Variants in EFL1 observed in about 807,000 individuals in gnomAD.
EFL1 encodes elongation factor like GTPase 1, also known as elongation factor-like GTPase 1.
A neutral mutation model predicts 126.7 loss-of-function variants in EFL1; 76 were observed. The observed-to-expected ratio is 0.60, with a 90% CI of 0.50 to 0.73. The LOEUF (loss-of-function observed/expected upper bound fraction) is 0.73. Ranked by LOEUF, EFL1 falls within the 30% of genes least tolerant of loss-of-function variation. The probability of loss-of-function intolerance (pLI) is 0.00; values close to 1 mark genes in which losing one functional copy is unlikely to be tolerated. For missense variants in EFL1, 1,128 were observed against 1,343.2 expected, an observed-to-expected ratio of 0.84 and a Z score of 2.50; for synonymous variants, 410 against 448.4, an observed-to-expected ratio of 0.91 and a Z score of 1.08.
intron 16 of EFL1, among the ~76,000 whole-genome samples, chr15:82,160,967 A>G (rs1352054650): frequency 6.6e-6 from 1 of 152,258 alleles, no homozygotes; most frequent in African/African-American, 2.4e-5. Context: ...TTCAATTATA[A>G]TGAAGAAAAT....
At chr15:82,191,657 T>C (rs568748392) in intron 15 of EFL1, among the ~76,000 whole-genome samples, 1 of 151,634 alleles carries the variant, frequency 6.6e-6, no homozygotes, top group African/African-American at 2.4e-5. Context: ...TTCAGGCCAG[T>C]CAGCTTTAAT....
chr15:82,248,033 T>G (rs984312425), intron 4 of EFL1, among the ~76,000 whole-genome samples: 3 of 152,124 alleles, frequency 2.0e-5, no homozygotes, highest in African/African-American at 7.3e-5. Context: ...TACCACATGC[T>G]AGAAATTACT....
At chr15:82,144,166 C>T (rs927885715) in intron 18 of EFL1, among the ~76,000 whole-genome samples, 6 of 151,358 alleles carry the variant, frequency 4.0e-5, no homozygotes, top group African/African-American at 1.2e-4. Context: ...GTGGGAGGAG[C>T]GCTTTGAGCC....
chr15:82,241,442 A>G (rs1283890652), intron 4 of EFL1, 39 bp from the exon 5 acceptor site: 1 of 1,594,996 alleles, frequency 6.3e-7, no homozygotes, highest in Non-Finnish European at 8.6e-7. Context: ...TCAGTTGTCC[A>G]GGTACACAAT....
intron 15 of EFL1, among the ~76,000 whole-genome samples, chr15:82,165,082 G>A (rs1273146285): frequency 3.3e-5 from 5 of 152,028 alleles, no homozygotes; most frequent in Non-Finnish European, 5.9e-5. Flanking sequence ...AGACCAGCCT[G>A]GGTAACAGAG....
Position 82,163,913 on chromosome 15 carries a change from T to C in EFL1, c.1822A>G (p.Ile608Val), listed in dbSNP as rs1016384109. The change falls in exon 16 of 20, where the codon ATA becomes GTA. Residue 608 changes from isoleucine to valine, a missense_variant. Physicochemically the swap from Ile to Val is conservative, Grantham distance 29 (BLOSUM62 3). Coordinates refer to ENST00000268206, the MANE Select transcript of EFL1 (RefSeq NM_024580.6). ...LCSLPSCPPF[I>V]PLNFEATPIV... ...GGAGTGGCTTCGAAGTTGAGTGGTATAAATGGTGGGCAGGATGGCAGGCTA... is the reference window on the plus strand; with the variant it reads ...GGAGTGGCTTCGAAGTTGAGTGGTACAAATGGTGGGCAGGATGGCAGGCTA... 2 of 1,614,160 alleles carry C rather than the reference T, an allele frequency of 1.2e-6. No individual in the cohort carries two copies. The highest frequency in any genetic ancestry group is 1.7e-6 in the Non-Finnish European group (2 of 1,180,010).
intron 15 of EFL1, among the ~76,000 whole-genome samples, chr15:82,168,267 A>G (rs971406203): frequency 6.6e-6 from 1 of 152,204 alleles, no homozygotes; most frequent in Admixed American, 6.5e-5. Flanking sequence ...CACACGCTTT[A>G]TAACTCTTGT....
intron 15 of EFL1, among the ~76,000 whole-genome samples, chr15:82,191,675 C>T (rs1241708197): frequency 6.6e-6 from 1 of 151,882 alleles, no homozygotes; most frequent in Non-Finnish European, 1.5e-5. Context: ...AATCAAATTA[C>T]ACTCTATCCA....
At chr15:82,144,533 A>G (rs1025298496) in intron 18 of EFL1, among the ~76,000 whole-genome samples, 1 of 152,184 alleles carries the variant, frequency 6.6e-6, no homozygotes, top group African/African-American at 2.4e-5. Context: ...ATAATATTGT[A>G]TTTTACTTTC....
intron 15 of EFL1, among the ~76,000 whole-genome samples, chr15:82,189,048 T>C (rs1198011157): frequency 2.0e-5 from 3 of 151,992 alleles, no homozygotes; most frequent in Non-Finnish European, 4.4e-5. Flanking sequence ...CAGAGTATAC[T>C]TACACACAAA....
chr15:82,214,317 TG>T (rs1238995573), intron 15 of EFL1, among the ~76,000 whole-genome samples: 1 of 152,182 alleles, frequency 6.6e-6, no homozygotes, highest in Non-Finnish European at 1.5e-5. Context: ...GATAAAAGCA[TG>T]CGAAAAAAGC....
intron 15 of EFL1, among the ~76,000 whole-genome samples, chr15:82,208,390 A>G (rs2074548086): frequency 6.6e-6 from 1 of 152,348 alleles, no homozygotes; most frequent in East Asian, 1.9e-4. Flanking sequence ...TGGCTAGTGC[A>G]ACTGATGGGT....
intron 15 of EFL1, among the ~76,000 whole-genome samples, chr15:82,167,924 G>A (rs780858054): frequency 1.3e-5 from 2 of 152,204 alleles, no homozygotes; most frequent in East Asian, 1.9e-4. Context: ...ACCTGTTCCT[G>A]TTAACCTGTT....
At chr15:82,182,784 C>T (rs2074265150) in intron 15 of EFL1, among the ~76,000 whole-genome samples, 1 of 151,538 alleles carries the variant, frequency 6.6e-6, no homozygotes, top group Non-Finnish European at 1.5e-5. Context: ...GAGATCGCGC[C>T]ACTGTACTCC....
chr15:82,135,585 C>T (rs1412335362), intron 19 of EFL1, among the ~76,000 whole-genome samples: 1 of 152,116 alleles, frequency 6.6e-6, no homozygotes, highest in Non-Finnish European at 1.5e-5. Context: ...TTAAAAGCAG[C>T]CATAGAAAAT....
Position 82,211,583 on chromosome 15 carries a change from A to ACACACACAC in EFL1, c.1750+3133_1750+3134insGTGTGTGTG, listed in dbSNP as rs1567064816. Among the ~76,000 whole-genome samples, 163 of 56,246 alleles carry ACACACACAC rather than the reference A, an allele frequency of 2.9e-3. 6 individuals carry two copies. The highest frequency in any genetic ancestry group is 0.019 in the African/African-American group (154 of 8,048). The allele number at this position is 56,246 out of a possible 152,430, so 36.9% of individuals were successfully genotyped here. On this transcript the variant is annotated intron_variant, in intron 15 of 19. Coordinates refer to ENST00000268206, the MANE Select transcript of EFL1 (RefSeq NM_024580.6). ...ACACACACACACACACACACACACTAGACACATACTAGACACACACACACA... is the reference window on the plus strand; with the variant it reads ...ACACACACACACACACACACACACTACACACACACGACACATACTAGACACACACACACA...
intron 14 of EFL1, among the ~76,000 whole-genome samples, chr15:82,217,020 C>T (rs1306919828): frequency 6.6e-6 from 1 of 151,754 alleles, no homozygotes; most frequent in African/African-American, 2.4e-5. Flanking sequence ...GAAATGACTC[C>T]AAGAACTATT....
intron 15 of EFL1, among the ~76,000 whole-genome samples, chr15:82,199,131 A>G (rs1019900903): frequency 2.6e-5 from 4 of 152,168 alleles, no homozygotes; most frequent in Non-Finnish European, 4.4e-5. Flanking sequence ...CCTCTCTCAC[A>G]TCCTTCCACC....
intron 15 of EFL1, among the ~76,000 whole-genome samples, chr15:82,209,949 A>C (rs1169383130): frequency 6.6e-6 from 1 of 152,202 alleles, no homozygotes; most frequent in Non-Finnish European, 1.5e-5. Flanking sequence ...AAAAATTTTC[A>C]TCTGCACTTG....
Sources: gnomAD v4.1 joint callset for allele counts (sites outside exome capture counted in the v4.1 genomes callset) on GRCh38, gnomAD v4.1.1 for gene constraint, MANE v1.5 for transcripts, NCBI Gene and HGNC (gene_info 2026-07-23, HGNC 2026-07-21) for gene names.